Variants in CLYBL observed in about 807,000 individuals in gnomAD.
CLYBL encodes the protein citramalyl-CoA lyase.
A neutral mutation model predicts 38.9 loss-of-function variants in CLYBL; 31 were observed. That is an observed-to-expected ratio of 0.80 (90% CI 0.60 to 1.08). The LOEUF is 1.08. Ranked by LOEUF, CLYBL falls within the 50% of genes least tolerant of loss-of-function variation. The pLI is 0.00. For missense variants in CLYBL, 434 were observed against 411.6 expected, an observed-to-expected ratio of 1.05 and a Z score of -0.47; for synonymous variants, 171 against 158.6, an observed-to-expected ratio of 1.08 and a Z score of -0.59.
chr13:99,860,107 C>T (rs867048872), intron 3 of CLYBL, among the ~76,000 whole-genome samples: 3 of 152,092 alleles, frequency 2.0e-5, no homozygotes, highest in East Asian at 3.9e-4. Context: ...AGCATTGAAA[C>T]GTGGCCAGCA....
Position 99,827,017 on chromosome 13 carries a change from C to G in CLYBL, c.250-31844C>G, listed in dbSNP as rs181873079. The stretch of plus-strand genomic sequence containing the variant: ...GATCACTCAGGAGAGAAATGCTCCT[C>G]CCTGTTTAAGTTATTATTTTTATCT... On this transcript the variant is annotated intron_variant, in intron 2 of 8. Coordinates refer to ENST00000339105, the MANE Select transcript of CLYBL (RefSeq NM_206808.5). Among the ~76,000 whole-genome samples the G allele has an allele frequency of 5.9e-3, 903 of 152,158 alleles. 4 individuals carry two copies. Among genetic ancestry groups the G allele is most frequent in the Non-Finnish European group, 9.2e-3 (624 of 68,030 alleles).
At chr13:99,698,618 A>G (rs2048014929) in intron 1 of CLYBL, among the ~76,000 whole-genome samples, 2 of 152,176 alleles carry the variant, frequency 1.3e-5, no homozygotes, top group South Asian at 4.1e-4. Context: ...ATGCGGTGAC[A>G]AGGGAAATAT....
intron 7 of CLYBL, among the ~76,000 whole-genome samples, chr13:99,882,254 C>A (rs112391180): frequency 6.6e-6 from 1 of 152,176 alleles, no homozygotes; most frequent in African/African-American, 2.4e-5. Flanking sequence ...ATTCTAGTCT[C>A]GTCCTCTTAA....
intron 2 of CLYBL, among the ~76,000 whole-genome samples, chr13:99,805,950 T>G (rs1398824350): frequency 6.6e-6 from 1 of 152,236 alleles, no homozygotes; most frequent in Non-Finnish European, 1.5e-5. Context: ...AACAGATGTA[T>G]AGTATGCATC....
intron 7 of CLYBL, among the ~76,000 whole-genome samples, chr13:99,872,096 C>T (rs2051919193): frequency 6.6e-6 from 1 of 151,986 alleles, no homozygotes; most frequent in Non-Finnish European, 1.5e-5. Flanking sequence ...GCAGCAAGGA[C>T]ACCTGAAAAT....
intron 1 of CLYBL, among the ~76,000 whole-genome samples, chr13:99,657,800 A>C (rs1484785696): frequency 6.6e-6 from 1 of 152,190 alleles, no homozygotes; most frequent in Non-Finnish European, 1.5e-5. Flanking sequence ...GTTTTGAGCA[A>C]TTAAGGTTTG....
rs529895735 is a variant in CLYBL at position 99,865,912 on chromosome 13, C to T, written c.635-328C>T. On this transcript the variant is annotated intron_variant, in intron 5 of 8. Coordinates refer to ENST00000339105, the MANE Select transcript of CLYBL (RefSeq NM_206808.5). This position sits in a 1 kb window ranked among gnomAD's most constrained non-coding sequence, Gnocchi z 4.7. ...TTGTGGTGCTGTCTTTGGACTGGCA[C>T]TTTTCAAGCGATGATAAGAAGGAAA... Among the ~76,000 whole-genome samples, 12 of 152,318 alleles carry T rather than the reference C, an allele frequency of 7.9e-5. No individual in the cohort carries two copies. Among genetic ancestry groups the T allele is most frequent in the Admixed American group, 7.2e-4 (11 of 15,308 alleles).
chr13:99,825,059 C>T (rs997403809), intron 2 of CLYBL, among the ~76,000 whole-genome samples: 1 of 152,166 alleles, frequency 6.6e-6, no homozygotes, highest in Non-Finnish European at 1.5e-5. Context: ...GGTATGCCAC[C>T]TTCAACAAAG....
chr13:99,620,784 A>T (rs1016462958), intron 1 of CLYBL, among the ~76,000 whole-genome samples: 2 of 148,768 alleles, frequency 1.3e-5, no homozygotes, highest in Non-Finnish European at 3.0e-5. Flanking sequence ...CAAAAAAAGA[A>T]AGAAAGAAAA....
chr13:99,681,740 C>T (rs546217739), intron 1 of CLYBL, among the ~76,000 whole-genome samples: 7 of 152,154 alleles, frequency 4.6e-5, no homozygotes, highest in Non-Finnish European at 8.8e-5. Context: ...GCATGTGCCA[C>T]GACGCCTGGT....
At chr13:99,751,695 A>G (rs934967979) in intron 1 of CLYBL, among the ~76,000 whole-genome samples, 4 of 152,222 alleles carry the variant, frequency 2.6e-5, no homozygotes, top group Non-Finnish European at 5.9e-5. Context: ...TAATGGGGCC[A>G]GAGATTGAGT....
chr13:99,727,842 C>T (rs1269987906), intron 1 of CLYBL, among the ~76,000 whole-genome samples: 1 of 152,092 alleles, frequency 6.6e-6, no homozygotes, highest in Non-Finnish European at 1.5e-5. Context: ...CTTTGAGAGG[C>T]CGAGGTGGGC....
chr13:99,731,509 A>G (rs1263290962), intron 1 of CLYBL, among the ~76,000 whole-genome samples: 1 of 152,096 alleles, frequency 6.6e-6, no homozygotes, highest in African/African-American at 2.4e-5. Flanking sequence ...ATATTAAAAA[A>G]AAAAAAAAGG....
chr13:99,610,462 GCTTA>G (rs990779891), intron 1 of CLYBL, among the ~76,000 whole-genome samples: 215 of 152,258 alleles, frequency 1.4e-3, no homozygotes, highest in African/African-American at 5.0e-3. Flanking sequence ...GTTGTTGTTT[GCTTA>G]GTGACTTTAA....
chr13:99,648,626 A>G (rs757436886), intron 1 of CLYBL, among the ~76,000 whole-genome samples: 20 of 152,354 alleles, frequency 1.3e-4, no homozygotes, highest in Non-Finnish European at 2.6e-4. Context: ...AGAAATCATC[A>G]TAAGCTTGTT....
chr13:99,719,428 G>A (rs945277185), intron 1 of CLYBL, among the ~76,000 whole-genome samples: 1 of 149,524 alleles, frequency 6.7e-6, no homozygotes, highest in African/African-American at 2.5e-5. Flanking sequence ...CTGGGATTAG[G>A]CGTGAGCCAC....
chr13:99,832,740 TG>T (rs1013186066), intron 2 of CLYBL, among the ~76,000 whole-genome samples: 2 of 151,700 alleles, frequency 1.3e-5, no homozygotes, highest in Non-Finnish European at 2.9e-5. Context: ...TATTATCCAT[TG>T]GTGTCACAGA....
At chr13:99,772,721 T>C in intron 1 of CLYBL, 103 bp from the exon 2 acceptor site, 1 of 956,778 alleles carries the variant, frequency 1.0e-6, no homozygotes, top group Admixed American at 2.6e-5. Flanking sequence ...AAAAAAAGAT[T>C]ATCCATGTGT....
At chr13:99,754,558 G>T (rs1452105066) in intron 1 of CLYBL, among the ~76,000 whole-genome samples, 4 of 151,608 alleles carry the variant, frequency 2.6e-5, no homozygotes, top group African/African-American at 9.7e-5. Flanking sequence ...ACTATGCCCA[G>T]CTCTTCTAGA....
Sources: gnomAD v4.1 joint callset for allele counts (sites outside exome capture counted in the v4.1 genomes callset) on GRCh38, gnomAD v4.1.1 for gene constraint, Gnocchi (gnomAD v3.1) non-coding constraint, MANE v1.5 for transcripts, NCBI Gene and HGNC (gene_info 2026-07-23, HGNC 2026-07-21) for gene names.